ANKRD55: variants seen among roughly 807,000 people sequenced by gnomAD.
ANKRD55 encodes the protein ankyrin repeat domain-containing protein 55.
ANKRD55 carries 41 observed loss-of-function variants against 60.6 expected under a neutral mutation model. The observed-to-expected ratio is 0.68, with a 90% CI of 0.53 to 0.88. The LOEUF (loss-of-function observed/expected upper bound fraction) is 0.88, where lower values mean the gene tolerates loss of function less well. ANKRD55 is among the 40% of genes least tolerant of loss of function. The probability of loss-of-function intolerance (pLI) is 0.00; values close to 1 mark genes in which losing one functional copy is unlikely to be tolerated. For missense variants in ANKRD55, 732 were observed against 767.6 expected (o/e 0.95, Z 0.55); for synonymous variants, 264 against 290.3 (o/e 0.91, Z 0.92).
chr5:56,126,127 C>T lies in ANKRD55; in HGVS notation c.797+795G>A, dbSNP rs983618527. On this transcript the variant is annotated intron_variant, in intron 8 of 11. Transcript: ENST00000341048. ...CCAGCCTGGGCATCAAAGCGAGACT[C>T]CATCTCAAAAAAATAGATAAAATAA... is the stretch of plus-strand genomic sequence containing the variant. Among the ~76,000 whole-genome samples the T allele has an allele frequency of 2.6e-5, 4 of 150,986 alleles. No individual in the cohort carries two copies. The South Asian group carries it at 8.4e-4, about 32-fold the overall frequency.
intron 2 of ANKRD55, among the ~76,000 whole-genome samples, chr5:56,194,591 A>T (rs1759188210): frequency 6.6e-6 from 1 of 152,156 alleles, no homozygotes; most frequent in Non-Finnish European, 1.5e-5. Flanking sequence ...TATATATTTG[A>T]TTCTAATTAG....
intron 7 of ANKRD55, among the ~76,000 whole-genome samples, chr5:56,139,872 G>A (rs1487101282): frequency 6.6e-6 from 1 of 152,100 alleles, no homozygotes; most frequent in South Asian, 2.1e-4. Context: ...AGGAGTTCAA[G>A]ACCAGCATAG....
intron 2 of ANKRD55, among the ~76,000 whole-genome samples, chr5:56,210,504 GTGAGC>G (rs1759641006): frequency 6.8e-6 from 1 of 147,506 alleles, no homozygotes; most frequent in Non-Finnish European, 1.5e-5. Context: ...GGAGCTTGCA[GTGAGC>G]CGAGATCGCG....
intron 7 of ANKRD55, among the ~76,000 whole-genome samples, chr5:56,141,217 C>T (rs1485448408): frequency 6.7e-6 from 1 of 149,532 alleles, no homozygotes; most frequent in Non-Finnish European, 1.5e-5. Context: ...AGTGATCCTC[C>T]TGCCTCGGAT....
intron 8 of ANKRD55, among the ~76,000 whole-genome samples, chr5:56,118,467 T>C (rs1422983515): frequency 6.6e-6 from 1 of 151,756 alleles, no homozygotes; most frequent in Non-Finnish European, 1.5e-5. Context: ...CTACTAATAA[T>C]ACAAAAAATT....
chr5:56,121,317 T>G (rs1341161237), intron 8 of ANKRD55, among the ~76,000 whole-genome samples: 3 of 152,090 alleles, frequency 2.0e-5, no homozygotes, highest in East Asian at 3.8e-4. Flanking sequence ...CATTATAACT[T>G]TTAAAACTCT....
chr5:56,212,457 A>G (rs185546973), intron 2 of ANKRD55, among the ~76,000 whole-genome samples: 21 of 152,330 alleles, frequency 1.4e-4, no homozygotes, highest in Middle Eastern at 3.4e-3. Context: ...GCAGTAAGAT[A>G]TGAAGCAAAA....
At chr5:56,109,099 C>T (rs1209404530) in intron 10 of ANKRD55, among the ~76,000 whole-genome samples, 1 of 151,670 alleles carries the variant, frequency 6.6e-6, no homozygotes, top group Non-Finnish European at 1.5e-5. Flanking sequence ...CCAACAAAAA[C>T]CCCCATTGCT....
At chr5:56,229,686 T>G (rs985347552) in intron 2 of ANKRD55, among the ~76,000 whole-genome samples, 2 of 152,116 alleles carry the variant, frequency 1.3e-5, no homozygotes, top group African/African-American at 4.8e-5. Context: ...AGGGGTTCAG[T>G]CTTACCAAAC....
chr5:56,137,280 G>A (rs1210726100), intron 7 of ANKRD55: 14 of 1,597,966 alleles, frequency 8.8e-6, no homozygotes. Flanking sequence ...AGAGAGTAAT[G>A]CTGAACTTAT....
At chr5:56,199,485 T>C (rs1407164586) in intron 2 of ANKRD55, among the ~76,000 whole-genome samples, 2 of 152,064 alleles carry the variant, frequency 1.3e-5, no homozygotes, top group East Asian at 3.9e-4. Context: ...CACCATTAAG[T>C]CAGAAAAATG....
chr5:56,205,147 G>A (rs765013232), intron 2 of ANKRD55, among the ~76,000 whole-genome samples: 10 of 152,042 alleles, frequency 6.6e-5, no homozygotes, highest in Non-Finnish European at 8.8e-5. Flanking sequence ...TGCAAGCTCC[G>A]CTTCCTGGGT....
chr5:56,213,749 C>T (rs16885032), intron 2 of ANKRD55, among the ~76,000 whole-genome samples: 11,991 of 152,198 alleles, frequency 0.079, 734 homozygotes, highest in African/African-American at 0.17. Flanking sequence ...GAAGATAGAA[C>T]ACCAGGACCA....
At chr5:56,131,300 T>C (rs1757404390) in intron 7 of ANKRD55, among the ~76,000 whole-genome samples, 2 of 152,140 alleles carry the variant, frequency 1.3e-5, no homozygotes, top group Non-Finnish European at 1.5e-5. Flanking sequence ...AAGAGAAGGA[T>C]TACCTCTGAT....
rs1760294770 is a variant in ANKRD55, at chr5:56,232,898, T to G, written c.16A>C (p.Thr6Pro). MMRQA[T>P]MDFSTPSVFD... The stretch of plus-strand genomic sequence containing the variant: ...ACAGAAGGGGTGCTGAAATCCATGG[T>G]AGCCTGTCTCATCATTTACCATCAG... Residue 6 changes from threonine (T) to proline (P), a missense_variant, in exon 2 of 12, where the codon ACC (threonine) becomes CCC (proline). Thr to Pro is a conservative substitution (Grantham distance 38). Around this residue, in one of 3 missense-constraint regions of ANKRD55, gnomAD observed 131 missense variants for 142.7 expected, o/e 0.92. Coordinates refer to ENST00000341048, the MANE Select transcript of ANKRD55 (RefSeq NM_024669.3). The G allele has an allele frequency of 6.2e-7, 1 of 1,614,154 alleles. No homozygotes were observed.
intron 2 of ANKRD55, among the ~76,000 whole-genome samples, chr5:56,196,955 A>G (rs1474259321): frequency 6.6e-6 from 1 of 152,182 alleles, no homozygotes; most frequent in Non-Finnish European, 1.5e-5. Flanking sequence ...TCTCAGATCT[A>G]CTAAATCAGA....
In ANKRD55 at chr5:56,100,082, G is replaced by A. The variant is rs564803378; in HGVS notation, c.*101C>T. ...TAAAACTGATGGCTTATAGAATGCA[G>A]CTTACTAAATTGGTCTTCGTTCTTA... On this transcript the variant is annotated 3_prime_UTR_variant, in exon 12 of 12. Coordinates refer to ENST00000341048, the MANE Select transcript of ANKRD55 (RefSeq NM_024669.3). 5.4e-6 allele frequency: 8 copies of A among 1,494,912 alleles called. No homozygotes were observed. The East Asian group carries it at 1.4e-4, about 26-fold the overall frequency. The allele number at this position is 1,494,912 out of a possible 1,614,324, so 92.6% of individuals were successfully genotyped here.
At chr5:56,185,869 A>G (rs1211974463) in intron 2 of ANKRD55, among the ~76,000 whole-genome samples, 2 of 152,160 alleles carry the variant, frequency 1.3e-5, no homozygotes, top group African/African-American at 2.4e-5. Context: ...TCTGTCCCCA[A>G]AGGAACTTGT....
intron 5 of ANKRD55, chr5:56,161,844 G>T (rs776987567): frequency 1.5e-5 from 6 of 392,748 alleles, no homozygotes; most frequent in Non-Finnish European, 2.1e-5. Context: ...TATGCTCTCT[G>T]AATTCTAGAT....
Sources: gnomAD v4.1 joint callset for allele counts (sites outside exome capture counted in the v4.1 genomes callset) on GRCh38, gnomAD v4.1.1 for gene constraint, gnomAD v4.1.1 regional missense constraint, MANE v1.5 for transcripts, NCBI Gene and HGNC (gene_info 2026-07-23, HGNC 2026-07-21) for gene names.